The following CSMD1 variants were observed in gnomAD, a reference collection of about 807,000 sequenced individuals.
The protein encoded by CSMD1 is CUB and Sushi multiple domains 1.
A neutral mutation model predicts 417.5 loss-of-function variants in CSMD1; 213 were observed. That is an observed-to-expected ratio of 0.51 (90% confidence interval 0.46 to 0.57). The LOEUF is 0.57. CSMD1 is among the 20% of genes least tolerant of loss of function. CSMD1 has a pLI of 0.00. For missense variants in CSMD1, 6,923 were observed against 4,529.7 expected (o/e 1.53, Z -15.17); for synonymous variants, 2,862 against 1,736.8 (o/e 1.65, Z -16.11).
At chr8:3,001,873 T>C (rs1807434014) in intron 52 of CSMD1, among the ~76,000 whole-genome samples, 1 of 152,198 alleles carries the variant, frequency 6.6e-6, no homozygotes. Context: ...TCATACTCCT[T>C]TGGGATTAAG....
intron 1 of CSMD1, among the ~76,000 whole-genome samples, chr8:4,804,765 A>G (rs1585127785): frequency 6.6e-6 from 1 of 152,302 alleles, no homozygotes; most frequent in South Asian, 2.1e-4. Flanking sequence ...GTATCTTAGT[A>G]TTTGTTCTGT....
chr8:4,274,394 A>G (rs1340652286), intron 3 of CSMD1, among the ~76,000 whole-genome samples: 1 of 152,154 alleles, frequency 6.6e-6, no homozygotes, highest in Non-Finnish European at 1.5e-5. Context: ...TTTAAACACT[A>G]TCAACGTGCT....
At chr8:4,171,212 T>C (rs1179680308) in intron 3 of CSMD1, among the ~76,000 whole-genome samples, 4 of 151,862 alleles carry the variant, frequency 2.6e-5, no homozygotes, top group Non-Finnish European at 4.4e-5. Flanking sequence ...GTGTGAAACC[T>C]ACCCGCAAAG....
At chr8:4,443,243 GATA>G (rs879371666) in intron 2 of CSMD1, among the ~76,000 whole-genome samples, 3 of 152,114 alleles carry the variant, frequency 2.0e-5, no homozygotes, top group Admixed American at 2.0e-4. Context: ...TTTTAAGATG[GATA>G]ATGTCAAATC....
intron 1 of CSMD1, among the ~76,000 whole-genome samples, chr8:4,949,368 G>A (rs1808582453): frequency 6.6e-6 from 1 of 152,140 alleles, no homozygotes; most frequent in African/African-American, 2.4e-5. Flanking sequence ...AAATGTTTGT[G>A]TAAAATTGCA....
At chr8:4,810,615 T>C (rs1798843019) in intron 1 of CSMD1, among the ~76,000 whole-genome samples, 2 of 151,942 alleles carry the variant, frequency 1.3e-5, no homozygotes, top group South Asian at 4.2e-4. Context: ...CCCTTAGGGG[T>C]TCCAGGAAAA....
At chr8:4,631,245 C>A (rs1356217557) in intron 2 of CSMD1, among the ~76,000 whole-genome samples, 1 of 151,992 alleles carries the variant, frequency 6.6e-6, no homozygotes, top group East Asian at 1.9e-4. Flanking sequence ...GCCTGTAGTC[C>A]CAGCTACTTG....
rs1301793731 is a variant in CSMD1, at chr8:3,646,432, G to C, written c.1010-29635C>G. On this transcript the variant is annotated intron_variant, in intron 7 of 69. Coordinates refer to ENST00000635120, the MANE Select transcript of CSMD1 (RefSeq NM_033225.6). ...ACAATCTACTTTAACTCAAAATTAA[G>C]AACCTTGTTTGTAAATAAGGGAAAA... Among the ~76,000 whole-genome samples, 3 of 152,128 alleles carry C rather than the reference G, an allele frequency of 2.0e-5. No individual in the cohort carries two copies. In the East Asian group the frequency reaches 5.8e-4, roughly 29 times the overall value.
At chr8:4,990,260 T>A (rs1266198097) in intron 1 of CSMD1, among the ~76,000 whole-genome samples, 1 of 152,352 alleles carries the variant, frequency 6.6e-6, no homozygotes, top group East Asian at 1.9e-4. Flanking sequence ...GCTGAACAGT[T>A]CTGATTTGAA....
chr8:4,512,422 G>C (rs1802871871), intron 2 of CSMD1, among the ~76,000 whole-genome samples: 1 of 152,114 alleles, frequency 6.6e-6, no homozygotes, highest in Non-Finnish European at 1.5e-5. Context: ...CAACATCGTA[G>C]CTAATGCAAT....
intron 5 of CSMD1, among the ~76,000 whole-genome samples, chr8:3,775,969 C>T (rs1409814281): frequency 2.6e-5 from 4 of 152,206 alleles, no homozygotes; most frequent in Non-Finnish European, 4.4e-5. Flanking sequence ...TTCATGTCAT[C>T]AGCCCAGGCT....
At chr8:4,771,479 G>C (rs549089674) in intron 1 of CSMD1, among the ~76,000 whole-genome samples, 1 of 152,198 alleles carries the variant, frequency 6.6e-6, no homozygotes, top group Non-Finnish European at 1.5e-5. Context: ...AAGCTCAGTC[G>C]TGAGAATGCG....
At chr8:3,577,388 T>A (rs979139647) in intron 9 of CSMD1, among the ~76,000 whole-genome samples, 12 of 152,218 alleles carry the variant, frequency 7.9e-5, no homozygotes, top group Non-Finnish European at 1.8e-4. Flanking sequence ...CCAAAAGCTT[T>A]CAAATTAACC....
At chr8:4,179,633 G>A (rs1408716417) in intron 3 of CSMD1, among the ~76,000 whole-genome samples, 16 of 152,166 alleles carry the variant, frequency 1.1e-4, no homozygotes, top group Admixed American at 8.5e-4. Context: ...CCATCAGAGT[G>A]AACAGGCAAC....
rs374804495 is a variant in CSMD1, at chr8:3,998,126, C to T, written c.611-16G>A. On this transcript the variant is annotated splice_polypyrimidine_tract_variant and intron_variant, in intron 4 of 69. Transcript: ENST00000635120. ...GCTCCCTCAGCTGCAGGGGCAAAAG[C>T]AGAAAGAAAGCATCACATTTCAGGA... 34 of 1,547,238 alleles carry T rather than the reference C, an allele frequency of 2.2e-5. No homozygotes were observed. Among genetic ancestry groups the T allele is most frequent in the African/African-American group, 2.7e-5 (2 of 73,172 alleles).
intron 49 of CSMD1, among the ~76,000 whole-genome samples, chr8:3,078,657 G>T: frequency 6.6e-6 from 1 of 152,234 alleles, no homozygotes; most frequent in Admixed American, 6.5e-5. Context: ...CAAAGAATAT[G>T]CCACTGAGAC....
intron 5 of CSMD1, among the ~76,000 whole-genome samples, chr8:3,957,897 T>A (rs1812072382): frequency 6.6e-6 from 1 of 152,152 alleles, no homozygotes; most frequent in African/African-American, 2.4e-5. Context: ...TGTATAATAA[T>A]CTCCTTTGTT....
At chr8:4,799,045 C>G (rs1798135893) in intron 1 of CSMD1, among the ~76,000 whole-genome samples, 1 of 152,142 alleles carries the variant, frequency 6.6e-6, no homozygotes, top group Admixed American at 6.6e-5. Context: ...GGAGCGTGGG[C>G]TGGTGAGGAC....
chr8:4,237,158 A>C (rs538443515), intron 3 of CSMD1, among the ~76,000 whole-genome samples: 50 of 152,316 alleles, frequency 3.3e-4, no homozygotes, highest in African/African-American at 9.9e-4. Flanking sequence ...TTACTGATTG[A>C]AACTCATCAA....
Sources: allele counts gnomAD v4.1 joint callset (sites outside exome capture counted in the v4.1 genomes callset), GRCh38; gene constraint gnomAD v4.1.1; transcripts MANE v1.5; gene names NCBI Gene and HGNC (gene_info 2026-07-23, HGNC 2026-07-21).